NAALADL2: variants seen among roughly 807,000 people sequenced by gnomAD.
The protein encoded by NAALADL2 is inactive N-acetylated-alpha-linked acidic dipeptidase-like protein 2.
Under a neutral mutation model 87.2 loss-of-function variants are expected in NAALADL2, and 76 were observed. The observed-to-expected ratio is 0.87, with a 90% CI of 0.72 to 1.05. The LOEUF (loss-of-function observed/expected upper bound fraction) is 1.05, where lower values mean the gene tolerates loss of function less well. Ranked by LOEUF, NAALADL2 falls within the 50% of genes least tolerant of loss-of-function variation. NAALADL2 has a pLI of 0.00. For synonymous variants in NAALADL2, 354 were observed against 331.0 expected (o/e 1.07, Z -0.75); for missense variants, 1,089 against 945.8 (o/e 1.15, Z -1.99).
intron 9 of NAALADL2, among the ~76,000 whole-genome samples, chr3:175,518,285 C>A (rs1380671914): frequency 1.3e-5 from 2 of 152,204 alleles, no homozygotes; most frequent in Non-Finnish European, 2.9e-5. Flanking sequence ...GAACTGCATT[C>A]ATGAGCTTCA....
intron 1 of NAALADL2, among the ~76,000 whole-genome samples, chr3:174,932,550 C>T (rs538452086): frequency 2.6e-5 from 4 of 152,204 alleles, no homozygotes; most frequent in Admixed American, 2.6e-4. Context: ...AGTCATTGGG[C>T]ATATTAGTTC....
intron 5 of NAALADL2, among the ~76,000 whole-genome samples, chr3:175,404,621 C>T (rs562663545): frequency 7.2e-5 from 11 of 152,226 alleles, no homozygotes; most frequent in Admixed American, 4.6e-4. Context: ...CTTACTAAGT[C>T]GCATGAAACC....
chr3:174,521,303 T>G (rs1242119526), intron 1 of NAALADL2, among the ~76,000 whole-genome samples: 1 of 151,714 alleles, frequency 6.6e-6, no homozygotes, highest in African/African-American at 2.4e-5. Flanking sequence ...TACAATTTGG[T>G]CATAAAAAAG....
At chr3:175,784,621 T>G (rs1226977634) in intron 13 of NAALADL2, among the ~76,000 whole-genome samples, 1 of 141,496 alleles carries the variant, frequency 7.1e-6, no homozygotes, top group African/African-American at 3.0e-5. Flanking sequence ...TTGCTAGTGG[T>G]CTATCTATTT....
intron 9 of NAALADL2, among the ~76,000 whole-genome samples, chr3:175,566,207 A>G (rs1027078693): frequency 6.6e-6 from 1 of 152,202 alleles, no homozygotes; most frequent in African/African-American, 2.4e-5. Flanking sequence ...CACGTAACAT[A>G]TAGTTCAGAG....
intron 2 of NAALADL2, among the ~76,000 whole-genome samples, chr3:174,567,436 G>A (rs1257629702): frequency 6.6e-6 from 1 of 150,786 alleles, no homozygotes; most frequent in African/African-American, 2.4e-5. Context: ...CTAAACATTA[G>A]GCACTGAACT....
intron 1 of NAALADL2, among the ~76,000 whole-genome samples, chr3:174,514,781 A>C (rs971079316): frequency 6.6e-6 from 1 of 152,100 alleles, no homozygotes; most frequent in Non-Finnish European, 1.5e-5. Context: ...ACTAAAGACA[A>C]TTTAGAAAAT....
At chr3:174,736,717 C>A (rs1420103824) in intron 2 of NAALADL2, among the ~76,000 whole-genome samples, 1 of 152,144 alleles carries the variant, frequency 6.6e-6, no homozygotes, top group South Asian at 2.1e-4. Flanking sequence ...GTCCATCAGC[C>A]CAGCCCCCAG....
rs376689586 is a variant in NAALADL2, at chr3:175,297,031, A to C, written c.940-27144A>C. Among the ~76,000 whole-genome samples the C allele has an allele frequency of 3.8e-3, 576 of 152,260 alleles. 2 individuals are homozygous for C. The highest frequency in any genetic ancestry group is 0.013 in the African/African-American group (543 of 41,560). On this transcript the variant is annotated intron_variant, in intron 4 of 13. Transcript: ENST00000454872. Reference sequence around the variant, plus strand: ...GTTGAATAACTGGAGGATGAGCCAAATCTGACTCACACACAGCTTGTTTTT... The same window carrying C: ...GTTGAATAACTGGAGGATGAGCCAACTCTGACTCACACACAGCTTGTTTTT...
intron 1 of NAALADL2, among the ~76,000 whole-genome samples, chr3:174,518,490 C>T (rs560404631): frequency 6.6e-6 from 1 of 152,098 alleles, no homozygotes; most frequent in Non-Finnish European, 1.5e-5. Flanking sequence ...GTTTCCAAGT[C>T]CATTATCACA....
chr3:175,452,770 T>C (rs367687125), intron 6 of NAALADL2, among the ~76,000 whole-genome samples: 10 of 152,252 alleles, frequency 6.6e-5, no homozygotes, highest in African/African-American at 2.4e-4. Flanking sequence ...TCGGAAGTCC[T>C]TGGACAAAAG....
At chr3:174,815,345 T>C (rs1245856054) in intron 3 of NAALADL2, among the ~76,000 whole-genome samples, 1 of 152,196 alleles carries the variant, frequency 6.6e-6, no homozygotes, top group Non-Finnish European at 1.5e-5. Context: ...TAGGCCTCCC[T>C]CCTTGACTTG....
chr3:175,297,662 G>A (rs950311640), intron 4 of NAALADL2, among the ~76,000 whole-genome samples: 1 of 152,024 alleles, frequency 6.6e-6, no homozygotes, highest in Non-Finnish European at 1.5e-5. Context: ...TTTTTAAATT[G>A]CTCTGTGTTG....
intron 2 of NAALADL2, among the ~76,000 whole-genome samples, chr3:174,578,501 CAA>C (rs1378630105): frequency 1.3e-5 from 2 of 151,936 alleles, no homozygotes; most frequent in Non-Finnish European, 2.9e-5. Flanking sequence ...CAGTCAACCT[CAA>C]ATTCTGCATC....
chr3:175,320,275 T>C (rs1453788256), intron 4 of NAALADL2, among the ~76,000 whole-genome samples: 2 of 152,212 alleles, frequency 1.3e-5, no homozygotes, highest in Admixed American at 6.5e-5. Context: ...AGAAACTTAG[T>C]ATATTGTCAA....
chr3:174,656,294 G>A (rs899680993), intron 2 of NAALADL2, among the ~76,000 whole-genome samples: 1 of 152,148 alleles, frequency 6.6e-6, no homozygotes, highest in Non-Finnish European at 1.5e-5. Context: ...GAGAGAAACA[G>A]AACTGAAGGA....
intron 3 of NAALADL2, among the ~76,000 whole-genome samples, chr3:174,809,510 C>A (rs1449591846): frequency 5.9e-5 from 9 of 152,074 alleles, no homozygotes; most frequent in African/African-American, 2.2e-4. Flanking sequence ...TCTATAGTGA[C>A]CAAATGCTTA....
intron 5 of NAALADL2, among the ~76,000 whole-genome samples, chr3:175,327,192 G>A (rs1760836982): frequency 8.4e-6 from 1 of 119,582 alleles, no homozygotes; most frequent in Non-Finnish European, 1.6e-5. Context: ...GTCTCGCTCT[G>A]TCGCCCAGGC....
intron 5 of NAALADL2, among the ~76,000 whole-genome samples, chr3:175,399,760 C>T (rs977215902): frequency 6.6e-6 from 1 of 151,864 alleles, no homozygotes; most frequent in Non-Finnish European, 1.5e-5. Flanking sequence ...TTTAGGAATT[C>T]TAAGTCTGGG....
Sources: allele counts gnomAD v4.1 joint callset (sites outside exome capture counted in the v4.1 genomes callset), GRCh38; gene constraint gnomAD v4.1.1; transcripts MANE v1.5; gene names NCBI Gene and HGNC (gene_info 2026-07-23, HGNC 2026-07-21).